Variants in RBM12 observed in about 807,000 individuals in gnomAD.
RBM12 encodes RNA binding motif protein 12, also known as RNA-binding protein 12.
A neutral mutation model predicts 37.2 loss-of-function variants in RBM12; 24 were observed. The ratio of observed to expected loss-of-function variants is 0.65; its 90% CI spans 0.47 to 0.91. The LOEUF (loss-of-function observed/expected upper bound fraction) is 0.91, where lower values mean the gene tolerates loss of function less well. RBM12 is among the 40% of genes least tolerant of loss of function. RBM12 has a pLI of 0.00. For synonymous variants in RBM12, 420 were observed against 425.2 expected (o/e 0.99, Z 0.15); for missense variants, 1,061 against 1,183.2 (o/e 0.90, Z 1.52).
At chr20:35,660,847 T>G (rs6058292) in intron 1 of RBM12, among the ~76,000 whole-genome samples, 1 of 152,114 alleles carries the variant, frequency 6.6e-6, no homozygotes, top group Non-Finnish European at 1.5e-5. Flanking sequence ...ACTCAAAAGA[T>G]ACCGTATGTC....
intron 2 of RBM12, among the ~76,000 whole-genome samples, chr20:35,658,617 C>T (rs1229079123): frequency 1.3e-5 from 2 of 151,838 alleles, no homozygotes; most frequent in Non-Finnish European, 2.9e-5. Flanking sequence ...AAAAATTAGC[C>T]GGGTATGGTG....
chr20:35,663,046 T>A (rs776570561), intron 1 of RBM12, among the ~76,000 whole-genome samples: 52 of 152,326 alleles, frequency 3.4e-4, no homozygotes, highest in Non-Finnish European at 6.0e-4. Flanking sequence ...ACTAAGCACA[T>A]CTTCATTGTT....
chr20:35,654,447 G>A lies in RBM12; in HGVS notation c.876C>T (p.Ser292=), dbSNP rs1436674615. Residue 292 remains serine (S), a synonymous_variant, in exon 3 of 3, where the codon AGC becomes AGT. Transcript: ENST00000374114. ...PVNPIQMNSQ[S]SVKPLPINPD... ...GGTTGATGGGGAGTGGCTTCACACTGCTCTGAGAGTTCATCTGGATAGGGT... is the reference window on the plus strand; with the variant it reads ...GGTTGATGGGGAGTGGCTTCACACTACTCTGAGAGTTCATCTGGATAGGGT... 1.2e-6 allele frequency: 2 copies of A among 1,614,188 alleles called. No homozygotes were observed. The highest frequency in any genetic ancestry group is 1.7e-5 in the Admixed American group (1 of 60,034).
rs773632917 is a variant in RBM12, at chr20:35,653,473, T to C, written c.1850A>G (p.His617Arg). 4 of 1,614,242 alleles carry C rather than the reference T, an allele frequency of 2.5e-6. No individual in the cohort carries two copies. ...KKLNGREAFV[H>R]VVTLEDMREI... Reference sequence around the variant, plus strand: ...TCTCATATCTTCTAGGGTAACTACATGAACAAAAGCTTCTCTCCCATTAAG... The same window carrying C: ...TCTCATATCTTCTAGGGTAACTACACGAACAAAAGCTTCTCTCCCATTAAG... Residue 617 changes from histidine (H) to arginine (R), a missense_variant, in exon 3 of 3, where the codon CAT becomes CGT. Around this residue, in one of 3 missense-constraint regions of RBM12, gnomAD observed 517 missense variants for 534.0 expected, o/e 0.97. Coordinates refer to ENST00000374114, the MANE Select transcript of RBM12 (RefSeq NM_006047.6).
intron 2 of RBM12, among the ~76,000 whole-genome samples, chr20:35,656,849 T>C (rs982903887): frequency 2.0e-5 from 3 of 147,088 alleles, no homozygotes; most frequent in Non-Finnish European, 3.1e-5. Flanking sequence ...AATCAGCTCA[T>C]GACCCTCAGA....
At chr20:35,658,436 T>TACCCC (rs1255096651) in intron 2 of RBM12, among the ~76,000 whole-genome samples, 2 of 152,146 alleles carry the variant, frequency 1.3e-5, no homozygotes, top group African/African-American at 4.8e-5. Flanking sequence ...AGCACCCATC[T>TACCCC]ACCCCACCCC....
Position 35,654,184 on chromosome 20 carries a change from C to T in RBM12, c.1139G>A (p.Arg380Lys). ...RYVEVSPATERQWVAAGGHIT... is the reference protein window; with the variant it reads ...RYVEVSPATEKQWVAAGGHIT... Reference sequence around the variant, plus strand: ...ATGGCCTCCAGCAGCTACCCACTGTCTTTCTGTGGCAGGGCTAACTTCCAC... The same window carrying T: ...ATGGCCTCCAGCAGCTACCCACTGTTTTTCTGTGGCAGGGCTAACTTCCAC... Residue 380 changes from arginine to lysine, a missense_variant, in exon 3 of 3, where the codon AGA (arginine) becomes AAA (lysine). This residue lies in a region of RBM12 where 540 missense variants were observed against 632.7 expected (regional missense o/e 0.85). Coordinates refer to ENST00000374114, the MANE Select transcript of RBM12 (RefSeq NM_006047.6). 1 of 1,614,250 alleles carries T rather than the reference C, an allele frequency of 6.2e-7. No homozygotes were observed. The highest frequency in any genetic ancestry group is 8.5e-7 in the Non-Finnish European group (1 of 1,180,046).
At chr20:35,660,042 A>AT (rs532531461) in intron 1 of RBM12, among the ~76,000 whole-genome samples, 115 of 152,310 alleles carry the variant, frequency 7.6e-4, no homozygotes, top group African/African-American at 2.6e-3. Context: ...AATCTGTGTG[A>AT]TTTTCTAAAG....
At chr20:35,663,343 C>T (rs1157046379) in intron 1 of RBM12, among the ~76,000 whole-genome samples, 1 of 152,200 alleles carries the variant, frequency 6.6e-6, no homozygotes, top group African/African-American at 2.4e-5. Flanking sequence ...ACAATATACA[C>T]TAGTTAACAA....
Position 35,653,463 on chromosome 20 carries a change from G to A in RBM12, c.1860C>T (p.Thr620=), listed in dbSNP as rs943573582. ...TCTCAATCTCTCTCATATCTTCTAG[G>A]GTAACTACATGAACAAAAGCTTCTC... ...NGREAFVHVV[T]LEDMREIEKN... The change falls in exon 3 of 3, where the codon ACC becomes ACT. Residue 620 remains threonine, a synonymous_variant. Transcript: ENST00000374114. 2.2e-5 allele frequency: 36 copies of A among 1,613,974 alleles called. No individual in the cohort carries two copies. Among genetic ancestry groups the A allele is most frequent in the Non-Finnish European group, 3.0e-5 (35 of 1,180,016 alleles).
intron 1 of RBM12, among the ~76,000 whole-genome samples, chr20:35,660,402 A>C (rs990684014): frequency 2.6e-5 from 4 of 152,088 alleles, no homozygotes; most frequent in African/African-American, 9.7e-5. Flanking sequence ...TTTTTAGTAG[A>C]GACAGGGGTT....
At chr20:35,657,976 C>T (rs1230736218) in intron 2 of RBM12, among the ~76,000 whole-genome samples, 1 of 152,036 alleles carries the variant, frequency 6.6e-6, no homozygotes, top group Non-Finnish European at 1.5e-5. Context: ...GCAGAAGAAT[C>T]ACTTGAACCC....
At chr20:35,661,071 TAGAAA>T (rs2146379218) in intron 1 of RBM12, among the ~76,000 whole-genome samples, 1 of 152,344 alleles carries the variant, frequency 6.6e-6, no homozygotes, top group African/African-American at 2.4e-5. Context: ...TCAATCCAGA[TAGAAA>T]TTTATGATTC....
chr20:35,653,913 T>C lies in RBM12; in HGVS notation c.1410A>G (p.Ala470=). The change falls in exon 3 of 3, where the codon GCA becomes GCG. Residue 470 remains alanine (A), a synonymous_variant. Coordinates refer to ENST00000374114, the MANE Select transcript of RBM12 (RefSeq NM_006047.6). ...TGAACTCTACAAAGCCTTCGCCAGT[T>C]GCTTTCCCATTGGGTCCATAAGCTA... ...IYIAYGPNGK[A]TGEGFVEFRN... is the part of the protein sequence containing the mutation. 4 of 1,614,210 alleles carry C rather than the reference T, an allele frequency of 2.5e-6. No homozygotes were observed. The highest frequency in any genetic ancestry group is 2.2e-5 in the South Asian group (2 of 91,084).
At position 35,653,400 on chromosome 20, in the gene RBM12, C is replaced by A. The variant is rs1468706293; in HGVS notation, c.1923G>T (p.Met641Ile). 2.5e-6 allele frequency: 4 copies of A among 1,614,128 alleles called. No homozygotes were observed. The highest frequency in any genetic ancestry group is 3.4e-6 in the Non-Finnish European group (4 of 1,180,002). ...GAACTGCAGGATTACCTGGCACAGG[C>A]ATCTTTAATCCCTTTTTTCCTTGGG... ...PPAQGKKGLKMPVPGNPAVPG... is the reference protein window; with the variant it reads ...PPAQGKKGLKIPVPGNPAVPG... Residue 641 changes from methionine to isoleucine, a missense_variant, in exon 3 of 3, where the codon ATG becomes ATT. Met to Ile is a conservative substitution (Grantham distance 10). Around this residue, in one of 3 missense-constraint regions of RBM12, gnomAD observed 517 missense variants for 534.0 expected, o/e 0.97. Coordinates refer to ENST00000374114, the MANE Select transcript of RBM12 (RefSeq NM_006047.6).
In RBM12 at chr20:35,654,629, C is replaced by G; in HGVS notation, c.694G>C (p.Val232Leu). The change falls in exon 3 of 3, where the codon GTG (valine) becomes CTG (leucine). Residue 232 changes from valine (V) to leucine (L), a missense_variant. Physicochemically the swap from Val to Leu is conservative, Grantham distance 32 (BLOSUM62 1). Transcript: ENST00000374114. ...GGTGGCAGTGGGGTCATGGGTGGCA[C>G]AGAAGGAACTGGGGGAATCGGGGGC... ...PVPPIPPVPS[V>L]PPMTPLPPMS... 1 of 1,614,030 alleles carries G rather than the reference C, an allele frequency of 6.2e-7. No individual in the cohort carries two copies. The highest frequency in any genetic ancestry group is 8.5e-7 in the Non-Finnish European group (1 of 1,180,008).
In RBM12 at chr20:35,650,984, T is replaced by C. The variant is rs1278911182; in HGVS notation, c.*1540A>G. The stretch of plus-strand genomic sequence containing the variant: ...TTTGGTTTTCATGATCTCTCATCTA[T>C]CTCTCCTTCTGTATTGTTTATAATG... On this transcript the variant is annotated 3_prime_UTR_variant, in exon 3 of 3. Transcript: ENST00000374114. The C allele has an allele frequency of 6.6e-6, 1 of 152,608 alleles. No individual in the cohort carries two copies. The highest frequency in any genetic ancestry group is 1.5e-5 in the Non-Finnish European group (1 of 68,020). The allele number at this position is 152,608 out of a possible 1,614,324, so 9.5% of individuals were successfully genotyped here.
intron 2 of RBM12, among the ~76,000 whole-genome samples, chr20:35,657,572 A>G (rs1048634551): frequency 3.3e-5 from 5 of 152,212 alleles, no homozygotes; most frequent in African/African-American, 9.6e-5. Flanking sequence ...TACACAGTTA[A>G]GTCTTCAAGC....
chr20:35,662,958 A>T (rs2034315580), intron 1 of RBM12, among the ~76,000 whole-genome samples: 1 of 152,220 alleles, frequency 6.6e-6, no homozygotes, highest in South Asian at 2.1e-4. Context: ...TACAATCCAT[A>T]AGCAAAGTAA....
Sources: allele counts gnomAD v4.1 joint callset (sites outside exome capture counted in the v4.1 genomes callset), GRCh38; gene constraint gnomAD v4.1.1; regional missense constraint gnomAD v4.1.1; transcripts MANE v1.5; gene names NCBI Gene and HGNC (gene_info 2026-07-23, HGNC 2026-07-21).